Variants in PPP2R5E observed in about 807,000 individuals in gnomAD.
The protein encoded by PPP2R5E is protein phosphatase 2 regulatory subunit B'epsilon, also known as serine/threonine-protein phosphatase 2A 56 kDa regulatory subunit epsilon isoform.
PPP2R5E carries 4 observed loss-of-function variants against 65.3 expected under a neutral mutation model. The ratio of observed to expected loss-of-function variants is 0.06; its 90% confidence interval spans 0.03 to 0.14. The LOEUF (loss-of-function observed/expected upper bound fraction) is 0.14, where lower values mean the gene tolerates loss of function less well. PPP2R5E is among the 10% of genes least tolerant of loss of function. The pLI is 1.00. For synonymous variants in PPP2R5E, 183 were observed against 187.4 expected, an observed-to-expected ratio of 0.98 and a Z score of 0.19; for missense variants, 274 against 556.1, an observed-to-expected ratio of 0.49 and a Z score of 5.10.
chr14:63,405,482 T>C (rs1260972286), intron 5 of PPP2R5E, among the ~76,000 whole-genome samples: 1 of 152,226 alleles, frequency 6.6e-6, no homozygotes, highest in Non-Finnish European at 1.5e-5. Context: ...ATTTACATGA[T>C]AATTACAGTA....
intron 2 of PPP2R5E, among the ~76,000 whole-genome samples, chr14:63,456,916 G>A (rs1022144896): frequency 9.2e-5 from 14 of 152,258 alleles, no homozygotes; most frequent in South Asian, 2.1e-4. Flanking sequence ...CAAAAGCTGC[G>A]ATTTGTCCTT....
At chr14:63,454,628 C>T (rs145898649) in intron 2 of PPP2R5E, among the ~76,000 whole-genome samples, 21 of 152,240 alleles carry the variant, frequency 1.4e-4, no homozygotes, top group East Asian at 9.7e-4. Context: ...TTTGGCTTGG[C>T]GTTGTTTCTA....
chr14:63,541,271 TA>T (rs1315175591), intron 1 of PPP2R5E, among the ~76,000 whole-genome samples: 1 of 152,178 alleles, frequency 6.6e-6, no homozygotes, highest in Non-Finnish European at 1.5e-5. Flanking sequence ...TAACGCTTAA[TA>T]AAAACTATGA....
chr14:63,394,069 CCTTTT>C, intron 7 of PPP2R5E, 141 bp from the exon 8 acceptor site: 2 of 306,678 alleles, frequency 6.5e-6, no homozygotes, highest in Non-Finnish European at 6.0e-6. Flanking sequence ...TTCAGAATTT[CCTTTT>C]TTTTTTTTTT....
intron 2 of PPP2R5E, among the ~76,000 whole-genome samples, chr14:63,486,303 C>G (rs1890994212): frequency 6.9e-6 from 1 of 145,008 alleles, no homozygotes; most frequent in Non-Finnish European, 1.5e-5. Context: ...TACACACACA[C>G]ACACACACAC....
In PPP2R5E at chr14:63,526,304, G is replaced by A. The variant is rs770958552; in HGVS notation, c.157+13225C>T. On this transcript the variant is annotated intron_variant, in intron 2 of 13. Coordinates refer to ENST00000337537, the MANE Select transcript of PPP2R5E (RefSeq NM_006246.5). ...TGTGTGTGCTGGGGAATGGGCAAGC[G>A]AAATGGAGGCACGAAAGTATTAGAA... is the stretch of plus-strand genomic sequence containing the variant. Among the ~76,000 whole-genome samples the A allele has an allele frequency of 3.2e-4, 49 of 152,310 alleles. 1 individual carries two copies. The highest frequency in any genetic ancestry group is 9.6e-4 in the African/African-American group (40 of 41,566).
chr14:63,478,511 A>G (rs548159178), intron 2 of PPP2R5E, among the ~76,000 whole-genome samples: 9 of 152,330 alleles, frequency 5.9e-5, no homozygotes, highest in African/African-American at 1.7e-4. Flanking sequence ...GCTTAATAGA[A>G]AGCAACTGGA....
rs1889529158 is a variant in PPP2R5E, at chr14:63,462,346, A to C, written c.158-8461T>G. On this transcript the variant is annotated intron_variant, in intron 2 of 13. Transcript: ENST00000337537. ...CGGCCTCCCAAAGTGCTAGGATTAC[A>C]GGTGTGAGCCAGTGCACCCAGCCTT... 2.0e-5 allele frequency among the ~76,000 whole-genome samples: 3 copies of C among 152,188 alleles called. No individual in the cohort carries two copies. In the South Asian group the frequency reaches 6.2e-4, roughly 31 times the overall value.
chr14:63,410,775 G>A (rs555776053), intron 5 of PPP2R5E, among the ~76,000 whole-genome samples: 1 of 152,300 alleles, frequency 6.6e-6, no homozygotes, highest in East Asian at 1.9e-4. Flanking sequence ...GGCAGTTAAT[G>A]CACTGATTAG....
rs572979620 is a variant in PPP2R5E at position 63,537,887 on chromosome 14, G to A, written c.157+1642C>T. ...TTCCACACTATAAAAGCTATGTTCT[G>A]ATATTTTTCAAACAACACCTGTTCA... On this transcript the variant is annotated intron_variant, in intron 2 of 13. Coordinates refer to ENST00000337537, the MANE Select transcript of PPP2R5E (RefSeq NM_006246.5). 1.3e-4 allele frequency among the ~76,000 whole-genome samples: 20 copies of A among 152,222 alleles called. No individual in the cohort carries two copies. The South Asian group carries it at 3.9e-3, about 30-fold the overall frequency.
chr14:63,419,280 C>T (rs1266223945), intron 4 of PPP2R5E, among the ~76,000 whole-genome samples: 1 of 152,146 alleles, frequency 6.6e-6, no homozygotes, highest in Non-Finnish European at 1.5e-5. Flanking sequence ...GACCTCCTCC[C>T]GTCAGGTATT....
At chr14:63,540,260 G>A (rs1195436229) in intron 1 of PPP2R5E, among the ~76,000 whole-genome samples, 3 of 151,420 alleles carry the variant, frequency 2.0e-5, no homozygotes, top group African/African-American at 7.3e-5. Context: ...GTGAAACCCT[G>A]TGTCTACTAA....
chr14:63,536,191 G>A (rs1318080903), intron 2 of PPP2R5E, among the ~76,000 whole-genome samples: 1 of 152,160 alleles, frequency 6.6e-6, no homozygotes, highest in Non-Finnish European at 1.5e-5. Flanking sequence ...TTGGAAAGCA[G>A]AGTTCTTGGA....
intron 2 of PPP2R5E, among the ~76,000 whole-genome samples, chr14:63,467,217 C>T (rs1431746546): frequency 7.2e-5 from 8 of 111,318 alleles, no homozygotes; most frequent in Admixed American, 5.8e-4. Flanking sequence ...AGCAAGACTC[C>T]GTCTCAAAAA....
At chr14:63,409,351 G>A (rs1412393652) in intron 5 of PPP2R5E, among the ~76,000 whole-genome samples, 1 of 152,150 alleles carries the variant, frequency 6.6e-6, no homozygotes, top group Non-Finnish European at 1.5e-5. Context: ...AGGTTGCAGT[G>A]AGCTGAAATT....
In PPP2R5E at chr14:63,512,374, C is replaced by T. The variant is rs140094223; in HGVS notation, c.157+27155G>A. 4.1e-3 allele frequency among the ~76,000 whole-genome samples: 630 copies of T among 152,278 alleles called. 3 individuals carry two copies. Among genetic ancestry groups the T allele is most frequent in the Non-Finnish European group, 5.3e-3 (359 of 68,024 alleles). On this transcript the variant is annotated intron_variant, in intron 2 of 13. Transcript: ENST00000337537. ...ATGGAAGGATAGAAGGACAAACATA[C>T]ATACCACAAATAATACTTAAGAGTA... is the stretch of plus-strand genomic sequence containing the variant.
At chr14:63,514,472 T>C (rs998722477) in intron 2 of PPP2R5E, among the ~76,000 whole-genome samples, 4 of 151,896 alleles carry the variant, frequency 2.6e-5, no homozygotes, top group Non-Finnish European at 5.9e-5. Flanking sequence ...ATGTTTATTA[T>C]ACTACATTAC....
At chr14:63,477,312 A>T (rs1890459100) in intron 2 of PPP2R5E, among the ~76,000 whole-genome samples, 1 of 152,186 alleles carries the variant, frequency 6.6e-6, no homozygotes, top group African/African-American at 2.4e-5. Context: ...TACTCAATAC[A>T]TTCCAGGAAC....
intron 2 of PPP2R5E, among the ~76,000 whole-genome samples, chr14:63,485,334 C>T (rs2139610773): frequency 6.6e-6 from 1 of 152,256 alleles, no homozygotes; most frequent in South Asian, 2.1e-4. Context: ...GAACTCTTGG[C>T]CTTAAGCAAT....
Sources: allele counts gnomAD v4.1 joint callset (sites outside exome capture counted in the v4.1 genomes callset), GRCh38; gene constraint gnomAD v4.1.1; transcripts MANE v1.5; gene names NCBI Gene and HGNC (gene_info 2026-07-23, HGNC 2026-07-21).